Variants in TP53BP1 observed in about 807,000 individuals in gnomAD.
The protein encoded by TP53BP1 is tumor protein p53 binding protein 1, also known as TP53-binding protein 1.
A neutral mutation model predicts 200.8 loss-of-function variants in TP53BP1; 61 were observed. The ratio of observed to expected loss-of-function variants is 0.30; its 90% CI spans 0.25 to 0.38. The LOEUF (loss-of-function observed/expected upper bound fraction) is 0.38. TP53BP1 is among the 10% of genes least tolerant of loss of function. The pLI is 1.00. For missense variants in TP53BP1, 2,144 were observed against 2,371.9 expected (o/e 0.90, Z 2.00); for synonymous variants, 822 against 844.3 (o/e 0.97, Z 0.46).
chr15:43,491,978 G>A (rs536413981), intron 3 of TP53BP1, 24 bp downstream of exon 3: 10 of 1,570,904 alleles, frequency 6.4e-6, no homozygotes, highest in African/African-American at 1.3e-5. Context: ...ATGCAAAGGG[G>A]ACAGATAGCT....
intron 14 of TP53BP1, among the ~76,000 whole-genome samples, chr15:43,446,136 T>C (rs2046036399): frequency 6.6e-6 from 1 of 152,164 alleles, no homozygotes; most frequent in Non-Finnish European, 1.5e-5. Flanking sequence ...TATTCTGAAG[T>C]CTTTCTGAAT....
At chr15:43,413,702 A>G (rs1041475233) in intron 23 of TP53BP1, among the ~76,000 whole-genome samples, 3 of 152,128 alleles carry the variant, frequency 2.0e-5, no homozygotes, top group Admixed American at 6.5e-5. Context: ...TGAGAGTGAA[A>G]AATGTTTGGA....
At chr15:43,434,162 A>G (rs2045737119) in intron 16 of TP53BP1, among the ~76,000 whole-genome samples, 1 of 152,192 alleles carries the variant, frequency 6.6e-6, no homozygotes, top group Non-Finnish European at 1.5e-5. Context: ...ATGAAGAAGA[A>G]GTAAGAACAA....
intron 1 of TP53BP1, among the ~76,000 whole-genome samples, chr15:43,499,812 A>C (rs987893877): frequency 6.6e-6 from 1 of 152,226 alleles, no homozygotes; most frequent in Non-Finnish European, 1.5e-5. Context: ...TGGTGGAGAG[A>C]GAGCAGTGTA....
chr15:43,470,107 A>G (rs757904351), intron 10 of TP53BP1, 41 bp from the exon 11 acceptor site: 13 of 1,507,156 alleles, frequency 8.6e-6, no homozygotes, highest in Non-Finnish European at 2.8e-6. Flanking sequence ...AATATCACTC[A>G]TCAATATTAC....
At position 43,456,065 on chromosome 15, in the gene TP53BP1, G is replaced by A. The variant is rs769264392; in HGVS notation, c.2543C>T (p.Pro848Leu). 1.2e-6 allele frequency: 2 copies of A among 1,614,040 alleles called. No individual in the cohort carries two copies. The highest frequency in any genetic ancestry group is 1.3e-5 in the African/African-American group (1 of 74,926). The change falls in exon 12 of 28, where the codon CCT becomes CTT. Residue 848 changes from proline (P) to leucine (L), a missense_variant. Transcript: ENST00000382044. ...PSLPLVRADDPLRLDQELQQP... is the reference protein window; with the variant it reads ...PSLPLVRADDLLRLDQELQQP... ...CTGCAACTCCTGGTCAAGTCTTAAAGGATCATCTGCTCTCACTAAAGGTAA... is the reference window on the plus strand; with the variant it reads ...CTGCAACTCCTGGTCAAGTCTTAAAAGATCATCTGCTCTCACTAAAGGTAA...
chr15:43,403,662 C>G lies in TP53BP1; in HGVS notation c.*3721G>C. On this transcript the variant is annotated 3_prime_UTR_variant, in exon 28 of 28. Transcript: ENST00000382044. Reference sequence around the variant, plus strand: ...ATGTACCTTCCTTCCTTTCCTAATGCCAACTCTGTTTCCCGGGTAGGTGTT... The same window carrying G: ...ATGTACCTTCCTTCCTTTCCTAATGGCAACTCTGTTTCCCGGGTAGGTGTT... The G allele has an allele frequency of 6.4e-7, 1 of 1,566,120 alleles. No individual in the cohort carries two copies. The highest frequency in any genetic ancestry group is 1.1e-5 in the South Asian group (1 of 89,546).
intron 5 of TP53BP1, among the ~76,000 whole-genome samples, chr15:43,480,343 G>T (rs1017535536): frequency 1.3e-5 from 2 of 152,100 alleles, no homozygotes; most frequent in African/African-American, 4.8e-5. Flanking sequence ...GGCTACTCGG[G>T]AGGCTGAAGC....
In TP53BP1 at chr15:43,445,178, C is replaced by A. The variant is rs1464025932; in HGVS notation, c.3040+1209G>T. Among the ~76,000 whole-genome samples the A allele has an allele frequency of 2.6e-5, 4 of 152,176 alleles. No homozygotes were observed. In the East Asian group the frequency reaches 7.7e-4, roughly 29 times the overall value. On this transcript the variant is annotated intron_variant, in intron 14 of 27. Coordinates refer to ENST00000382044, the MANE Select transcript of TP53BP1 (RefSeq NM_001141980.3). Reference sequence around the variant, plus strand: ...GTAGAGAGTACATTTGCAGCCTCATCTCCTCTTCCTCATCCTTCCTCAATT... The same window carrying A: ...GTAGAGAGTACATTTGCAGCCTCATATCCTCTTCCTCATCCTTCCTCAATT...
rs780761680 is a variant in TP53BP1 at position 43,404,053 on chromosome 15, A to G, written c.*3330T>C. 1.9e-4 allele frequency: 104 copies of G among 536,272 alleles called. No individual in the cohort carries two copies. Among genetic ancestry groups the G allele is most frequent in the Non-Finnish European group, 2.9e-4 (86 of 301,524 alleles). The allele number at this position is 536,272 out of a possible 1,614,324, so 33.2% of individuals were successfully genotyped here. On this transcript the variant is annotated 3_prime_UTR_variant, in exon 28 of 28. Coordinates refer to ENST00000382044, the MANE Select transcript of TP53BP1 (RefSeq NM_001141980.3). Reference sequence around the variant, plus strand: ...CATCAAATAAGCATTGGGTTGTTCTAACTTCCTCACATCCTCCCCCCTCCT... The same window carrying G: ...CATCAAATAAGCATTGGGTTGTTCTGACTTCCTCACATCCTCCCCCCTCCT...
At chr15:43,449,151 AAAAC>A (rs2046109221) in intron 12 of TP53BP1, among the ~76,000 whole-genome samples, 1 of 152,156 alleles carries the variant, frequency 6.6e-6, no homozygotes, top group South Asian at 2.1e-4. Context: ...AAACAAAACA[AAAAC>A]AAACCTGTAA....
chr15:43,405,112 T>C lies in TP53BP1; in HGVS notation c.*2271A>G. ...ACTCTTCAGTTTTAAGATGACATTA[T>C]TTAGATCACAGGTTATCCTGATTCA... On this transcript the variant is annotated 3_prime_UTR_variant, in exon 28 of 28. Coordinates refer to ENST00000382044, the MANE Select transcript of TP53BP1 (RefSeq NM_001141980.3). 6.9e-7 allele frequency: 1 copy of C among 1,456,354 alleles called. No homozygotes were observed. Among genetic ancestry groups the C allele is most frequent in the South Asian group, 1.2e-5 (1 of 85,146 alleles). The allele number at this position is 1,456,354 out of a possible 1,614,324, so 90.2% of individuals were successfully genotyped here.
chr15:43,483,235 C>CAT (rs932553405), intron 4 of TP53BP1, among the ~76,000 whole-genome samples: 1 of 120,786 alleles, frequency 8.3e-6, no homozygotes, highest in Non-Finnish European at 1.9e-5. Context: ...AAGTACAGAA[C>CAT]ACACACACAC....
chr15:43,503,897 C>T (rs1388616533), intron 1 of TP53BP1, among the ~76,000 whole-genome samples: 1 of 152,050 alleles, frequency 6.6e-6, no homozygotes, highest in Non-Finnish European at 1.5e-5. Flanking sequence ...CATTCACAGA[C>T]TTTTTTTTCT....
intron 4 of TP53BP1, 41 bp from the exon 5 acceptor site, chr15:43,481,063 T>C (rs1429950679): frequency 6.2e-7 from 1 of 1,613,004 alleles, no homozygotes; most frequent in Non-Finnish European, 8.5e-7. Context: ...CCCAGATAGT[T>C]TGGGACACTT....
chr15:43,451,250 C>T (rs1179841372), intron 12 of TP53BP1, among the ~76,000 whole-genome samples: 1 of 151,808 alleles, frequency 6.6e-6, no homozygotes, highest in East Asian at 1.9e-4. Context: ...TAGTCACACA[C>T]GTATACATGT....
Position 43,492,030 on chromosome 15 carries a change from A to T in TP53BP1, c.258T>A (p.Asn86Lys). 6.2e-7 allele frequency: 1 copy of T among 1,614,036 alleles called. No homozygotes were observed. Among genetic ancestry groups the T allele is most frequent in the Admixed American group, 1.7e-5 (1 of 60,020 alleles). Residue 86 changes from asparagine (N) to lysine (K), a missense_variant, in exon 3 of 28, where the codon AAT (asparagine) becomes AAA (lysine). Around this residue, in one of 4 missense-constraint regions of TP53BP1, gnomAD observed 1,700 missense variants for 1,710.3 expected, o/e 0.99. Coordinates refer to ENST00000382044, the MANE Select transcript of TP53BP1 (RefSeq NM_001141980.3). ...EERGDGNSGF[N>K]EHLKENKVAD... ...CAACCTTGTTTTCTTTCAAATGTTC[A>T]TTGAACCCACTATTACCGTCTCCTC...
intron 24 of TP53BP1, among the ~76,000 whole-genome samples, chr15:43,410,553 A>G (rs2045083536): frequency 6.6e-6 from 1 of 151,794 alleles, no homozygotes; most frequent in Non-Finnish European, 1.5e-5. Context: ...TAAATAACAC[A>G]TTAAAAAAAA....
chr15:43,409,717 T>G lies in TP53BP1; in HGVS notation c.5330A>C (p.Asn1777Thr). ...EEEFLEIPPF[N>T]KQYTESQLRA... ...AAGCTGGGATTCTGTATACTGCTTG[T>G]TGAAAGGAGGAATTTCCAAAAATTC... The change falls in exon 25 of 28, where the codon AAC becomes ACC. Residue 1777 changes from asparagine to threonine, a missense_variant. Physicochemically the swap from Asn to Thr is moderately conservative, Grantham distance 65 (BLOSUM62 0). Coordinates refer to ENST00000382044, the MANE Select transcript of TP53BP1 (RefSeq NM_001141980.3). 6.4e-7 allele frequency: 1 copy of G among 1,559,338 alleles called. No homozygotes were observed. Among genetic ancestry groups the G allele is most frequent in the Non-Finnish European group, 8.7e-7 (1 of 1,155,018 alleles).
Sources: allele counts gnomAD v4.1 joint callset (sites outside exome capture counted in the v4.1 genomes callset), GRCh38; gene constraint gnomAD v4.1.1; regional missense constraint gnomAD v4.1.1; transcripts MANE v1.5; gene names NCBI Gene and HGNC (gene_info 2026-07-23, HGNC 2026-07-21).